Variants in PTPN4 observed in about 807,000 individuals in gnomAD.
PTPN4 encodes the protein tyrosine-protein phosphatase non-receptor type 4.
PTPN4 carries 49 observed loss-of-function variants against 135.5 expected under a neutral mutation model. The ratio of observed to expected loss-of-function variants is 0.36; its 90% CI spans 0.29 to 0.46. The LOEUF is 0.46. Among genes scored for constraint, PTPN4 ranks in the 20% least tolerant of loss-of-function variants. The pLI, the probability that PTPN4 is intolerant of heterozygous loss-of-function variation, is 1.00. For missense variants in PTPN4, 860 were observed against 1,101.0 expected, an observed-to-expected ratio of 0.78 and a Z score of 3.10; for synonymous variants, 333 against 369.9, an observed-to-expected ratio of 0.90 and a Z score of 1.14.
intron 1 of PTPN4, among the ~76,000 whole-genome samples, chr2:119,773,472 T>A (rs2104922322): frequency 6.6e-6 from 1 of 152,210 alleles, no homozygotes; most frequent in Non-Finnish European, 1.5e-5. Context: ...GCGCGGTGGC[T>A]CATGCCTGTA....
At chr2:119,821,857 T>C (rs1221903795) in intron 2 of PTPN4, among the ~76,000 whole-genome samples, 1 of 152,232 alleles carries the variant, frequency 6.6e-6, no homozygotes, top group Non-Finnish European at 1.5e-5. Flanking sequence ...AAATAATTTC[T>C]CAGAGTTTTG....
intron 1 of PTPN4, among the ~76,000 whole-genome samples, chr2:119,770,023 C>T (rs1281100556): frequency 2.6e-5 from 4 of 152,156 alleles, no homozygotes; most frequent in African/African-American, 9.7e-5. Context: ...AGACGAGTCA[C>T]TAGCAATACA....
At chr2:119,951,880 TCTC>T (rs1679216328) in intron 18 of PTPN4, 90 bp from the exon 19 acceptor site, 5 of 1,006,574 alleles carry the variant, frequency 5.0e-6, no homozygotes, top group Non-Finnish European at 7.0e-6. Flanking sequence ...GTAGTTTAGT[TCTC>T]CTGCTATTGG....
intron 12 of PTPN4, among the ~76,000 whole-genome samples, chr2:119,926,305 C>T (rs1279580622): frequency 6.6e-6 from 1 of 152,166 alleles, no homozygotes; most frequent in African/African-American, 2.4e-5. Context: ...AGTGCCAAAA[C>T]CCCACCATTT....
intron 1 of PTPN4, among the ~76,000 whole-genome samples, chr2:119,769,133 A>C (rs1690690979): frequency 6.6e-6 from 1 of 152,226 alleles, no homozygotes; most frequent in Non-Finnish European, 1.5e-5. Context: ...ACCATCACTG[A>C]AAGATTAAGG....
chr2:119,947,791 C>CACACACAT (rs1044854246), intron 18 of PTPN4, among the ~76,000 whole-genome samples: 7 of 151,474 alleles, frequency 4.6e-5, no homozygotes, highest in Non-Finnish European at 1.5e-5. Flanking sequence ...CACACACACA[C>CACACACAT]ATCAGATTGT....
At chr2:119,860,446 G>A (rs770781506) in intron 2 of PTPN4, among the ~76,000 whole-genome samples, 1 of 152,154 alleles carries the variant, frequency 6.6e-6, no homozygotes, top group African/African-American at 2.4e-5. Context: ...AAAGGCTCAC[G>A]AATATAGCCA....
rs1023225299 is a variant in PTPN4 at position 119,981,477 on chromosome 2, G to A, written c.*4407G>A. 7 of 151,906 alleles carry A rather than the reference G, an allele frequency of 4.6e-5. No individual in the cohort carries two copies. The highest frequency in any genetic ancestry group is 1.7e-4 in the African/African-American group (7 of 41,364). 9.4% of individuals were successfully genotyped at this position (151,906 alleles called of 1,614,324 possible). ...CAAATATCAGACTTACTGATCTCTTGGCAGAGATTTATTGGTGTCTCAGTG... is the reference window on the plus strand; with the variant it reads ...CAAATATCAGACTTACTGATCTCTTAGCAGAGATTTATTGGTGTCTCAGTG... On this transcript the variant is annotated 3_prime_UTR_variant, in exon 27 of 27. Coordinates refer to ENST00000263708, the MANE Select transcript of PTPN4 (RefSeq NM_002830.4).
At chr2:119,811,130 A>G (rs1691565721) in intron 2 of PTPN4, among the ~76,000 whole-genome samples, 1 of 152,162 alleles carries the variant, frequency 6.6e-6, no homozygotes, top group Admixed American at 6.5e-5. Context: ...ACCCAATGTA[A>G]ATGATGAGTT....
chr2:119,837,261 G>A (rs1677308417), intron 2 of PTPN4, among the ~76,000 whole-genome samples: 2 of 152,122 alleles, frequency 1.3e-5, no homozygotes, highest in South Asian at 2.1e-4. Flanking sequence ...TACCCACTTT[G>A]GGTTAGGTCT....
At chr2:119,772,711 A>G (rs531377073) in intron 1 of PTPN4, among the ~76,000 whole-genome samples, 36 of 152,024 alleles carry the variant, frequency 2.4e-4, no homozygotes, top group African/African-American at 7.2e-4. Context: ...CTAATTTTTT[A>G]TATTTTTGGT....
intron 2 of PTPN4, among the ~76,000 whole-genome samples, chr2:119,826,441 G>A (rs1042402147): frequency 3.9e-5 from 6 of 152,136 alleles, no homozygotes. Context: ...AAACTCTAAA[G>A]CAATGATTCC....
At chr2:119,969,883 G>A (rs1679503696) in intron 26 of PTPN4, among the ~76,000 whole-genome samples, 1 of 151,606 alleles carries the variant, frequency 6.6e-6, no homozygotes, top group African/African-American at 2.4e-5. Flanking sequence ...TTATCAAATT[G>A]GCAGTATTTA....
At chr2:119,806,336 C>T (rs1284193255) in intron 1 of PTPN4, among the ~76,000 whole-genome samples, 1 of 152,136 alleles carries the variant, frequency 6.6e-6, no homozygotes, top group Non-Finnish European at 1.5e-5. Context: ...AGACCCATCT[C>T]ACGTGCAGAG....
At chr2:119,955,830 A>T (rs1679272945) in intron 20 of PTPN4, among the ~76,000 whole-genome samples, 1 of 151,954 alleles carries the variant, frequency 6.6e-6, no homozygotes, top group Non-Finnish European at 1.5e-5. Context: ...CCAGCTACTC[A>T]GGAGGCTGAG....
At chr2:119,900,576 G>A (rs1678387555) in intron 9 of PTPN4, 142 bp from the exon 10 acceptor site, 6 of 449,040 alleles carry the variant, frequency 1.3e-5, no homozygotes, top group Non-Finnish European at 2.0e-5. Context: ...AGTACCATTT[G>A]GGTTTCTAAT....
intron 2 of PTPN4, 74 bp from the exon 3 acceptor site, chr2:119,862,462 T>C (rs1677774429): frequency 1.4e-6 from 2 of 1,389,338 alleles, no homozygotes; most frequent in African/African-American, 2.9e-5. Context: ...AGGACAAAAG[T>C]CAACCAGGTT....
intron 9 of PTPN4, among the ~76,000 whole-genome samples, chr2:119,896,551 T>G (rs980628960): frequency 1.3e-5 from 2 of 152,218 alleles, no homozygotes; most frequent in Non-Finnish European, 2.9e-5. Context: ...TGGTGCATAA[T>G]GCCTGGGTTT....
At chr2:119,842,320 TA>T (rs1294212728) in intron 2 of PTPN4, among the ~76,000 whole-genome samples, 3 of 152,196 alleles carry the variant, frequency 2.0e-5, no homozygotes, top group Non-Finnish European at 4.4e-5. Flanking sequence ...TGAGAGGAAA[TA>T]TTTTGAAGTC....
Sources: gnomAD v4.1 joint callset for allele counts (sites outside exome capture counted in the v4.1 genomes callset) on GRCh38, gnomAD v4.1.1 for gene constraint, MANE v1.5 for transcripts, NCBI Gene and HGNC (gene_info 2026-07-23, HGNC 2026-07-21) for gene names.